CERS6: variants seen among roughly 807,000 people sequenced by gnomAD.
CERS6 encodes the protein LAG1 homolog, ceramide synthase 6.
Under a neutral mutation model 56.8 loss-of-function variants are expected in CERS6, and 26 were observed. The observed-to-expected ratio is 0.46, with a 90% CI of 0.34 to 0.63. The LOEUF (loss-of-function observed/expected upper bound fraction) is 0.63. Ranked by LOEUF, CERS6 falls within the 30% of genes least tolerant of loss-of-function variation. The pLI, the probability that CERS6 is intolerant of heterozygous loss-of-function variation, is 0.01. For synonymous variants in CERS6, 164 were observed against 173.3 expected, an observed-to-expected ratio of 0.95 and a Z score of 0.42; for missense variants, 415 against 467.5, an observed-to-expected ratio of 0.89 and a Z score of 1.04.
intron 3 of CERS6, among the ~76,000 whole-genome samples, chr2:168,567,263 G>T (rs1695900713): frequency 1.3e-5 from 2 of 152,178 alleles, no homozygotes; most frequent in Non-Finnish European, 2.9e-5. Flanking sequence ...ACTGCTCAGT[G>T]AATGTCTTGG....
At chr2:168,478,288 G>A (rs1377861119) in intron 1 of CERS6, among the ~76,000 whole-genome samples, 1 of 152,130 alleles carries the variant, frequency 6.6e-6, no homozygotes, top group Non-Finnish European at 1.5e-5. Flanking sequence ...TGTCCCAAAA[G>A]CCAGGTCCTC....
intron 8 of CERS6, among the ~76,000 whole-genome samples, chr2:168,723,593 A>G (rs1683246753): frequency 6.6e-6 from 1 of 152,190 alleles, no homozygotes; most frequent in Non-Finnish European, 1.5e-5. Context: ...TTCAAAATGT[A>G]GTTTTCTCTA....
chr2:168,589,712 A>G (rs1683628984), intron 3 of CERS6, among the ~76,000 whole-genome samples: 1 of 152,214 alleles, frequency 6.6e-6, no homozygotes. Context: ...TGCTTAATTT[A>G]TTAAAGATGT....
intron 1 of CERS6, among the ~76,000 whole-genome samples, chr2:168,470,602 C>CT (rs1029154963): frequency 6.6e-6 from 1 of 152,160 alleles, no homozygotes; most frequent in Non-Finnish European, 1.5e-5. Flanking sequence ...AGACCATAAA[C>CT]TTTTTTGTTT....
chr2:168,565,807 G>C (rs1695873687), intron 3 of CERS6, among the ~76,000 whole-genome samples: 1 of 152,156 alleles, frequency 6.6e-6, no homozygotes, highest in African/African-American at 2.4e-5. Flanking sequence ...GAAGCATTCA[G>C]ATTCTTATTG....
intron 3 of CERS6, among the ~76,000 whole-genome samples, chr2:168,587,731 A>G (rs1683577321): frequency 6.6e-6 from 1 of 151,618 alleles, no homozygotes; most frequent in African/African-American, 2.4e-5. Context: ...CAATTAACAT[A>G]TTAATATATA....
In CERS6 at chr2:168,498,913, T is replaced by TC. The variant is rs958388729; in HGVS notation, c.170+42302dup. Among the ~76,000 whole-genome samples the TC allele has an allele frequency of 4.0e-5, 6 of 151,878 alleles. No homozygotes were observed. The East Asian group carries it at 9.7e-4, about 25-fold the overall frequency. On this transcript the variant is annotated intron_variant, in intron 1 of 9. Transcript: ENST00000305747. The stretch of plus-strand genomic sequence containing the variant: ...GGGGTATAATGAGGTGTGTCTGACT[T>TC]CCCCCCCACATCTCGTTATGACCGT...
chr2:168,524,544 G>A (rs10195142), intron 1 of CERS6, among the ~76,000 whole-genome samples: 2,280 of 152,170 alleles, frequency 0.015, 37 homozygotes, highest in African/African-American at 0.052. Flanking sequence ...TTTCAAAAAG[G>A]GGCATTTGTG....
At chr2:168,549,223 C>T (rs975335038) in intron 2 of CERS6, among the ~76,000 whole-genome samples, 17 of 151,842 alleles carry the variant, frequency 1.1e-4, no homozygotes, top group African/African-American at 4.1e-4. Flanking sequence ...TGATGCCTCT[C>T]CTTAAAAATC....
At chr2:168,637,750 A>G (rs900270851) in intron 4 of CERS6, among the ~76,000 whole-genome samples, 1 of 152,240 alleles carries the variant, frequency 6.6e-6, no homozygotes, top group Non-Finnish European at 1.5e-5. Context: ...AGAATGTTAC[A>G]TGAAAGTAAC....
At chr2:168,495,211 T>C (rs535547704) in intron 1 of CERS6, among the ~76,000 whole-genome samples, 24 of 152,322 alleles carry the variant, frequency 1.6e-4, no homozygotes, top group African/African-American at 5.1e-4. Context: ...GTCAAAGTCA[T>C]TAATAGCAGT....
chr2:168,456,501 A>T lies in CERS6; in HGVS notation c.53A>T (p.Asn18Ile). 1 of 1,613,928 alleles carries T rather than the reference A, an allele frequency of 6.2e-7. No homozygotes were observed. Among genetic ancestry groups the T allele is most frequent in the Non-Finnish European group, 8.5e-7 (1 of 1,179,852 alleles). ...FWNERFWLPH[N>I]VTWADLKNTE... The stretch of plus-strand genomic sequence containing the variant: ...AACGAGAGGTTTTGGCTCCCGCACA[A>T]TGTCACCTGGGCGGACCTGAAGAAC... The change falls in exon 1 of 10, where the codon AAT becomes ATT. Residue 18 changes from asparagine (N) to isoleucine (I), a missense_variant. Coordinates refer to ENST00000305747, the MANE Select transcript of CERS6 (RefSeq NM_203463.3). This position sits in a 1 kb window ranked among gnomAD's most constrained non-coding sequence, Gnocchi z 4.1.
At chr2:168,545,776 T>C (rs1695455836) in intron 1 of CERS6, among the ~76,000 whole-genome samples, 1 of 152,206 alleles carries the variant, frequency 6.6e-6, no homozygotes, top group Non-Finnish European at 1.5e-5. Flanking sequence ...AGCTTCTGCA[T>C]TGAGACTCAG....
At chr2:168,758,564 A>G (rs920895710) in intron 8 of CERS6, among the ~76,000 whole-genome samples, 1 of 152,216 alleles carries the variant, frequency 6.6e-6, no homozygotes, top group Admixed American at 6.5e-5. Flanking sequence ...CATCAAAAAC[A>G]TGCACCTGTA....
Position 168,456,422 on chromosome 2 carries a change from C to T in CERS6, c.-27C>T. The T allele has an allele frequency of 1.3e-6, 2 of 1,565,376 alleles. No individual in the cohort carries two copies. The highest frequency in any genetic ancestry group is 1.7e-6 in the Non-Finnish European group (2 of 1,153,564). ...TGGAGAGCTTGGCGGGCTGCGGGTG[C>T]CGCAGGACAGGAGTGGACAAAGCAA... On this transcript the variant is annotated 5_prime_UTR_variant, in exon 1 of 10. Transcript: ENST00000305747. This position sits in a 1 kb window ranked among gnomAD's most constrained non-coding sequence, Gnocchi z 4.1.
At chr2:168,503,986 T>C (rs1175887939) in intron 1 of CERS6, among the ~76,000 whole-genome samples, 2 of 152,218 alleles carry the variant, frequency 1.3e-5, no homozygotes, top group African/African-American at 2.4e-5. Context: ...AAGGGGTTAA[T>C]GTGTGTCCAA....
intron 1 of CERS6, among the ~76,000 whole-genome samples, chr2:168,491,110 A>C (rs1282406226): frequency 6.6e-6 from 1 of 152,212 alleles, no homozygotes; most frequent in Non-Finnish European, 1.5e-5. Flanking sequence ...GGCAGTTGAC[A>C]GTCACGCTGA....
At chr2:168,560,470 A>G (rs534436357) in intron 2 of CERS6, among the ~76,000 whole-genome samples, 1 of 152,220 alleles carries the variant, frequency 6.6e-6, no homozygotes, top group Non-Finnish European at 1.5e-5. Context: ...CAATGGAGTG[A>G]GGAATTGAAC....
At chr2:168,756,417 T>A (rs1280841471) in intron 8 of CERS6, among the ~76,000 whole-genome samples, 1 of 152,246 alleles carries the variant, frequency 6.6e-6, no homozygotes, top group Admixed American at 6.5e-5. Flanking sequence ...CTTGAATATT[T>A]TGTGTACATG....
Sources: allele counts gnomAD v4.1 joint callset (sites outside exome capture counted in the v4.1 genomes callset), GRCh38; gene constraint gnomAD v4.1.1; non-coding constraint Gnocchi (gnomAD v3.1); transcripts MANE v1.5; gene names NCBI Gene and HGNC (gene_info 2026-07-23, HGNC 2026-07-21).